The following NRIP1 variants were observed in gnomAD, a reference collection of about 807,000 sequenced individuals.
The protein encoded by NRIP1 is nuclear receptor interacting protein 1.
A neutral mutation model predicts 75.0 loss-of-function variants in NRIP1; 28 were observed. The observed-to-expected ratio is 0.37, with a 90% CI of 0.28 to 0.51. The LOEUF is 0.51. Ranked by LOEUF, NRIP1 falls within the 20% of genes least tolerant of loss-of-function variation. The pLI, the probability that NRIP1 is intolerant of heterozygous loss-of-function variation, is 0.92. For synonymous variants in NRIP1, 526 were observed against 487.6 expected, an observed-to-expected ratio of 1.08 and a Z score of -1.04; for missense variants, 1,435 against 1,343.7, an observed-to-expected ratio of 1.07 and a Z score of -1.06.
At chr21:15,015,779 T>C (rs980741892) in intron 2 of NRIP1, among the ~76,000 whole-genome samples, 1 of 152,234 alleles carries the variant, frequency 6.6e-6, no homozygotes, top group African/African-American at 2.4e-5. Context: ...GCAGTAATTA[T>C]TTCTGCATTT....
chr21:15,052,916 T>C (rs1366248187), intron 1 of NRIP1, among the ~76,000 whole-genome samples: 1 of 152,196 alleles, frequency 6.6e-6, no homozygotes, highest in Non-Finnish European at 1.5e-5. Flanking sequence ...TAAAGATCAG[T>C]AACATAAAAC....
At chr21:14,979,305 TTTC>T (rs1034090174) in intron 3 of NRIP1, among the ~76,000 whole-genome samples, 2 of 152,240 alleles carry the variant, frequency 1.3e-5, no homozygotes, top group Non-Finnish European at 2.9e-5. Context: ...AAAATGGATC[TTTC>T]TTCTTCTGGA....
At chr21:15,056,577 CTTCCCCCCATA>C (rs1050095418) in intron 1 of NRIP1, among the ~76,000 whole-genome samples, 2 of 152,068 alleles carry the variant, frequency 1.3e-5, no homozygotes, top group African/African-American at 4.8e-5. Flanking sequence ...GGAAGACATT[CTTCCCCCCATA>C]TTGTTCACTT....
At chr21:15,024,413 T>TCA (rs1568988085) in intron 2 of NRIP1, among the ~76,000 whole-genome samples, 4 of 151,534 alleles carry the variant, frequency 2.6e-5, no homozygotes, top group South Asian at 2.1e-4. Flanking sequence ...GTGGTGGCAG[T>TCA]CACCTGTAAT....
chr21:15,011,730 G>A (rs901646154), intron 3 of NRIP1, among the ~76,000 whole-genome samples: 4 of 152,042 alleles, frequency 2.6e-5, no homozygotes, highest in South Asian at 2.1e-4. Flanking sequence ...TAACACTACC[G>A]AAAATATTCT....
At position 15,064,891 on chromosome 21, in the gene NRIP1, C is replaced by A. The variant is rs941696859; in HGVS notation, c.-684G>T. ...GCAGCGGCGGACGCGAGGCCACGGG[C>A]GGACGGGCGCGCGCGGGTGGCGGGC... On this transcript the variant is annotated 5_prime_UTR_variant, in exon 1 of 4. Transcript: ENST00000318948. 6.7e-6 allele frequency: 1 copy of A among 148,444 alleles called. No homozygotes were observed. The highest frequency in any genetic ancestry group is 2.0e-4 in the East Asian group (1 of 5,108). The allele number at this position is 148,444 out of a possible 1,614,324, so 9.2% of individuals were successfully genotyped here.
intron 3 of NRIP1, among the ~76,000 whole-genome samples, chr21:14,993,783 C>CAA (rs540096507): frequency 2.1e-5 from 3 of 142,476 alleles, no homozygotes; most frequent in Admixed American, 7.0e-5. Flanking sequence ...AGATATGTCT[C>CAA]AAAAAAAAAA....
intron 1 of NRIP1, among the ~76,000 whole-genome samples, chr21:15,058,553 C>T (rs1160555285): frequency 1.3e-5 from 2 of 152,272 alleles, no homozygotes; most frequent in East Asian, 3.9e-4. Flanking sequence ...CTGTTAAACA[C>T]TTGCTATCTC....
intron 2 of NRIP1, among the ~76,000 whole-genome samples, chr21:15,026,876 T>C (rs1281845034): frequency 6.6e-6 from 1 of 152,102 alleles, no homozygotes; most frequent in Non-Finnish European, 1.5e-5. Context: ...ACATATTAAA[T>C]AACTTAAAGA....
At chr21:15,018,300 A>C (rs928686680) in intron 2 of NRIP1, among the ~76,000 whole-genome samples, 1 of 152,186 alleles carries the variant, frequency 6.6e-6, no homozygotes, top group Non-Finnish European at 1.5e-5. Flanking sequence ...GCTAGACACT[A>C]TGCTAGGTGT....
At chr21:14,974,400 C>T (rs1319209790) in intron 3 of NRIP1, 2 of 152,114 alleles carry the variant, frequency 1.3e-5, no homozygotes, top group East Asian at 1.9e-4. Flanking sequence ...TTTAATAGCT[C>T]ATAATGATGT....
At chr21:15,052,570 A>C (rs1320668400) in intron 1 of NRIP1, among the ~76,000 whole-genome samples, 1 of 152,222 alleles carries the variant, frequency 6.6e-6, no homozygotes, top group Non-Finnish European at 1.5e-5. Flanking sequence ...TACTTCACTG[A>C]AGTATTCAAT....
At chr21:15,043,303 T>A (rs963312631) in intron 2 of NRIP1, among the ~76,000 whole-genome samples, 192 bp downstream of exon 2, 4 of 152,244 alleles carry the variant, frequency 2.6e-5, no homozygotes, top group African/African-American at 9.6e-5. Context: ...CCAGACGTTT[T>A]ATTCGCTTAC....
intron 2 of NRIP1, among the ~76,000 whole-genome samples, chr21:15,028,193 C>A (rs2088565484): frequency 6.6e-6 from 1 of 152,124 alleles, no homozygotes; most frequent in Non-Finnish European, 1.5e-5. Flanking sequence ...CTACGTGCTG[C>A]ATTCTTGTTA....
At chr21:15,063,804 A>G (rs1337892063) in intron 1 of NRIP1, among the ~76,000 whole-genome samples, 1 of 152,226 alleles carries the variant, frequency 6.6e-6, no homozygotes, top group Non-Finnish European at 1.5e-5. Flanking sequence ...TTAAAACGCA[A>G]AAGTGCTTAT....
intron 1 of NRIP1, chr21:15,052,126 T>TA (rs1400979333): frequency 6.6e-6 from 1 of 152,150 alleles, no homozygotes; most frequent in African/African-American, 2.4e-5. Context: ...CATTTGAAAG[T>TA]AAAACCTCAC....
Position 14,961,906 on chromosome 21 carries a change from G to A in NRIP1, c.*2810C>T, listed in dbSNP as rs1006947081. 6.6e-6 allele frequency: 1 copy of A among 151,074 alleles called. No individual in the cohort carries two copies. The highest frequency in any genetic ancestry group is 2.1e-4 in the South Asian group (1 of 4,794). The allele number at this position is 151,074 out of a possible 1,614,324, so 9.4% of individuals were successfully genotyped here. On this transcript the variant is annotated 3_prime_UTR_variant, in exon 4 of 4. Transcript: ENST00000318948. The stretch of plus-strand genomic sequence containing the variant: ...ATTAAAAGGCTTTTCTGTTGCATTA[G>A]AACAATACAAAATATGTATTTTTCA...
intron 3 of NRIP1, among the ~76,000 whole-genome samples, chr21:14,994,608 C>G (rs371872281): frequency 1.3e-5 from 2 of 152,134 alleles, no homozygotes; most frequent in African/African-American, 4.8e-5. Flanking sequence ...TTCAAATGAA[C>G]TTTGCTTTTT....
At chr21:15,064,605 G>A (rs991187043) in intron 1 of NRIP1, 140 bp downstream of exon 1, 1 of 151,742 alleles carries the variant, frequency 6.6e-6, no homozygotes, top group African/African-American at 2.4e-5. Context: ...GATTTCCCCG[G>A]AAACGCGCCC....
Sources: allele counts gnomAD v4.1 joint callset (sites outside exome capture counted in the v4.1 genomes callset), GRCh38; gene constraint gnomAD v4.1.1; transcripts MANE v1.5; gene names NCBI Gene and HGNC (gene_info 2026-07-23, HGNC 2026-07-21).